MARCHF4: variants seen among roughly 807,000 people sequenced by gnomAD.
MARCHF4 encodes membrane associated ring-CH-type finger 4.
Under a neutral mutation model 43.9 loss-of-function variants are expected in MARCHF4, and 14 were observed. The ratio of observed to expected loss-of-function variants is 0.32; its 90% CI spans 0.21 to 0.50. The LOEUF (loss-of-function observed/expected upper bound fraction) is 0.50. MARCHF4 is among the 20% of genes least tolerant of loss of function. The probability of loss-of-function intolerance (pLI) is 0.98; values close to 1 mark genes in which losing one functional copy is unlikely to be tolerated. For synonymous variants in MARCHF4, 226 were observed against 213.3 expected, an observed-to-expected ratio of 1.06 and a Z score of -0.52; for missense variants, 468 against 536.7, an observed-to-expected ratio of 0.87 and a Z score of 1.27.
chr2:216,325,687 C>A (rs1222969160), intron 1 of MARCHF4, among the ~76,000 whole-genome samples: 1 of 151,676 alleles, frequency 6.6e-6, no homozygotes, highest in Non-Finnish European at 1.5e-5. Context: ...TTTGACAAAC[C>A]TGAGAAAAAC....
At chr2:216,261,858 G>A (rs1690747761) in intron 3 of MARCHF4, among the ~76,000 whole-genome samples, 1 of 152,176 alleles carries the variant, frequency 6.6e-6, no homozygotes, top group South Asian at 2.1e-4. Context: ...GCCAATGAAT[G>A]AGGCTCAAAA....
chr2:216,291,693 T>C (rs1316228016), intron 1 of MARCHF4, among the ~76,000 whole-genome samples: 2 of 152,236 alleles, frequency 1.3e-5, no homozygotes, highest in Non-Finnish European at 2.9e-5. Flanking sequence ...TCTGGCTTCC[T>C]TTCTTTCTCC....
intron 1 of MARCHF4, among the ~76,000 whole-genome samples, chr2:216,369,085 T>C (rs1510840): frequency 0.53 from 80,572 of 152,072 alleles, 23,137 homozygotes; most frequent in East Asian, 0.79. Context: ...CTTAAACTCA[T>C]TCTCATTCCC....
intron 3 of MARCHF4, among the ~76,000 whole-genome samples, chr2:216,268,207 C>A (rs1690875196): frequency 6.6e-6 from 1 of 152,134 alleles, no homozygotes; most frequent in Non-Finnish European, 1.5e-5. Flanking sequence ...GGATGTCAGA[C>A]CTGGAAGGAA....
Position 216,370,452 on chromosome 2 carries a change from A to C in MARCHF4, c.-192T>G. 2.0e-6 allele frequency: 1 copy of C among 500,706 alleles called. No individual in the cohort carries two copies. 31.0% of individuals were successfully genotyped at this position (500,706 alleles called of 1,614,324 possible). On this transcript the variant is annotated 5_prime_UTR_variant, in exon 1 of 4. Coordinates refer to ENST00000273067, the MANE Select transcript of MARCHF4 (RefSeq NM_020814.3). ...TGAGAAGTGTGAGTCACTGGTTCTG[A>C]ACTCCACCTGGAAAGCCCAATAACA...
intron 1 of MARCHF4, among the ~76,000 whole-genome samples, chr2:216,356,272 A>C (rs1574487149): frequency 6.6e-6 from 1 of 152,210 alleles, no homozygotes; most frequent in Non-Finnish European, 1.5e-5. Context: ...GCCCCTCAAC[A>C]CTGCACTGCT....
At position 216,258,717 on chromosome 2, in the gene MARCHF4, C is replaced by T. The variant is rs1690691800; in HGVS notation, c.*595G>A. The T allele has an allele frequency of 6.5e-6, 1 of 152,752 alleles. No individual in the cohort carries two copies. The highest frequency in any genetic ancestry group is 6.5e-5 in the Admixed American group (1 of 15,276). 9.5% of individuals were successfully genotyped at this position (152,752 alleles called of 1,614,324 possible). ...CCTCTGGCTGCTCACACCAGCATAT[C>T]CCTCCCTGAGCATCCCTCCCTGACC... On this transcript the variant is annotated 3_prime_UTR_variant, in exon 4 of 4. Coordinates refer to ENST00000273067, the MANE Select transcript of MARCHF4 (RefSeq NM_020814.3).
chr2:216,300,356 A>ACG (rs1252240200), intron 1 of MARCHF4, among the ~76,000 whole-genome samples: 19 of 142,682 alleles, frequency 1.3e-4, no homozygotes, highest in African/African-American at 4.9e-4. Context: ...ATATGTATAT[A>ACG]TATATATATA....
chr2:216,295,523 C>T (rs924929410), intron 1 of MARCHF4, among the ~76,000 whole-genome samples: 3 of 152,140 alleles, frequency 2.0e-5, no homozygotes, highest in Non-Finnish European at 2.9e-5. Flanking sequence ...TTCTTAGGAC[C>T]CTGTCTGAAA....
intron 3 of MARCHF4, among the ~76,000 whole-genome samples, chr2:216,270,078 G>GA (rs970633395): frequency 7.9e-6 from 1 of 125,932 alleles, no homozygotes; most frequent in African/African-American, 2.7e-5. Context: ...GCATCCACCA[G>GA]AAATTTTTTT....
chr2:216,315,942 A>T (rs1006948597), intron 1 of MARCHF4, among the ~76,000 whole-genome samples: 5 of 152,156 alleles, frequency 3.3e-5, no homozygotes, highest in African/African-American at 1.2e-4. Flanking sequence ...GGTCTGTCTG[A>T]TCTGCATCAC....
intron 1 of MARCHF4, among the ~76,000 whole-genome samples, chr2:216,367,391 T>A (rs962558931): frequency 6.6e-6 from 1 of 151,736 alleles, no homozygotes; most frequent in Non-Finnish European, 1.5e-5. Flanking sequence ...TATCTCTCTC[T>A]TCCTTTTCTA....
intron 1 of MARCHF4, among the ~76,000 whole-genome samples, chr2:216,354,230 G>A (rs777014484): frequency 6.6e-6 from 1 of 152,242 alleles, no homozygotes; most frequent in African/African-American, 2.4e-5. Context: ...TTTGAAATGC[G>A]GTGAGAGAGA....
intron 3 of MARCHF4, among the ~76,000 whole-genome samples, chr2:216,270,673 T>C (rs1416192697): frequency 6.6e-6 from 1 of 152,174 alleles, no homozygotes; most frequent in Admixed American, 6.5e-5. Flanking sequence ...AGGTTAGTCC[T>C]TTTGTTGTGA....
chr2:216,264,732 A>T (rs1690817191), intron 3 of MARCHF4, among the ~76,000 whole-genome samples: 1 of 152,214 alleles, frequency 6.6e-6, no homozygotes, highest in Non-Finnish European at 1.5e-5. Context: ...TTGATCAGGC[A>T]ATTTTGTCCT....
intron 1 of MARCHF4, among the ~76,000 whole-genome samples, chr2:216,300,180 G>C (rs1276030987): frequency 6.6e-6 from 1 of 151,892 alleles, no homozygotes; most frequent in Non-Finnish European, 1.5e-5. Flanking sequence ...ATCTATAAAA[G>C]TGCAGAATTT....
At position 216,259,896 on chromosome 2, in the gene MARCHF4, A is replaced by C. The variant is rs551324555; in HGVS notation, c.866-217T>G. On this transcript the variant is annotated intron_variant, in intron 3 of 3. Transcript: ENST00000273067. Reference sequence around the variant, plus strand: ...GTCCATGAAATAGTTGAGCACCTTCAGGCAGTGCCTTCGCCCACTTCTACA... The same window carrying C: ...GTCCATGAAATAGTTGAGCACCTTCCGGCAGTGCCTTCGCCCACTTCTACA... The C allele has an allele frequency of 2.1e-4, 120 of 564,810 alleles. 1 individual carries two copies. In the East Asian group the frequency reaches 3.4e-3, roughly 16 times the overall value. The allele number at this position is 564,810 out of a possible 1,614,324, so 35.0% of individuals were successfully genotyped here.
At chr2:216,287,847 G>C (rs1034628725) in intron 1 of MARCHF4, among the ~76,000 whole-genome samples, 1 of 151,390 alleles carries the variant, frequency 6.6e-6, no homozygotes, top group Non-Finnish European at 1.5e-5. Context: ...CTTTGTTTTT[G>C]AGTGTCTGTT....
chr2:216,366,826 C>T (rs886779309), intron 1 of MARCHF4, among the ~76,000 whole-genome samples: 1 of 152,124 alleles, frequency 6.6e-6, no homozygotes, highest in Non-Finnish European at 1.5e-5. Context: ...TTATGTGTCT[C>T]TACTAGAATG....
Sources: gnomAD v4.1 joint callset for allele counts (sites outside exome capture counted in the v4.1 genomes callset) on GRCh38, gnomAD v4.1.1 for gene constraint, MANE v1.5 for transcripts, NCBI Gene and HGNC (gene_info 2026-07-23, HGNC 2026-07-21) for gene names.